The following ARHGAP12 variants were observed in gnomAD, a reference collection of about 807,000 sequenced individuals.
ARHGAP12 encodes rho GTPase-activating protein 12.
A neutral mutation model predicts 108.6 loss-of-function variants in ARHGAP12; 64 were observed. That is an observed-to-expected ratio of 0.59 (90% CI 0.48 to 0.73). The LOEUF (loss-of-function observed/expected upper bound fraction) is 0.73. ARHGAP12 is among the 30% of genes least tolerant of loss of function. ARHGAP12 has a pLI of 0.00. For missense variants in ARHGAP12, 940 were observed against 1,005.9 expected (o/e 0.93, Z 0.89); for synonymous variants, 312 against 337.2 (o/e 0.93, Z 0.82).
intron 3 of ARHGAP12, among the ~76,000 whole-genome samples, chr10:31,896,555 T>C (rs969688139): frequency 6.6e-6 from 1 of 152,054 alleles, no homozygotes; most frequent in African/African-American, 2.4e-5. Context: ...GATAGGGACC[T>C]GGGAAACTTG....
Position 31,882,090 on chromosome 10 carries a change from A to G in ARHGAP12, c.685-20432T>C, listed in dbSNP as rs575370456. Among the ~76,000 whole-genome samples, 79 of 151,872 alleles carry G rather than the reference A, an allele frequency of 5.2e-4. No homozygotes were observed. In the South Asian group the frequency reaches 0.016, roughly 30 times the overall value. ...CCACTACGCCCGGCTAATTTTTTGT[A>G]TTTTTAGTAGAGACGGGGTTTCACC... On this transcript the variant is annotated intron_variant, in intron 3 of 19. Coordinates refer to ENST00000344936, the MANE Select transcript of ARHGAP12 (RefSeq NM_018287.7).
chr10:31,826,176 T>C, intron 11 of ARHGAP12, 128 bp downstream of exon 11: 1 of 632,648 alleles, frequency 1.6e-6, no homozygotes, highest in Admixed American at 3.4e-5. Context: ...TTTAAGAAGA[T>C]TTTATTCATT....
chr10:31,925,611 G>A (rs141409074), intron 1 of ARHGAP12, among the ~76,000 whole-genome samples: 8 of 152,244 alleles, frequency 5.3e-5, no homozygotes, highest in Non-Finnish European at 7.4e-5. Context: ...ATCCCAGAGC[G>A]TTTTCAAACC....
chr10:31,835,925 T>C (rs1835998255), intron 9 of ARHGAP12, among the ~76,000 whole-genome samples: 2 of 152,062 alleles, frequency 1.3e-5, no homozygotes, highest in African/African-American at 2.4e-5. Context: ...ATAACAGAGG[T>C]GATAGCCACA....
At chr10:31,852,729 CTTTTTTT>C (rs398013156) in intron 5 of ARHGAP12, 132 bp from the exon 6 acceptor site, 654 of 229,558 alleles carry the variant, frequency 2.8e-3, no homozygotes, top group Middle Eastern at 4.7e-3. Context: ...ACAAAAAATT[CTTTTTTT>C]TTTTTTTTTT....
intron 3 of ARHGAP12, among the ~76,000 whole-genome samples, chr10:31,892,657 G>A (rs77742618): frequency 6.6e-6 from 1 of 152,154 alleles, no homozygotes; most frequent in Non-Finnish European, 1.5e-5. Context: ...AATAATGGGA[G>A]ACTTTAACAT....
rs377696070 is a variant in ARHGAP12, at chr10:31,920,310, C to T, written c.-111+8373G>A. Among the ~76,000 whole-genome samples, 151 of 150,176 alleles carry T rather than the reference C, an allele frequency of 1.0e-3. 2 individuals carry two copies. The Middle Eastern group carries it at 0.014, about 14-fold the overall frequency. On this transcript the variant is annotated intron_variant, in intron 1 of 19. Coordinates refer to ENST00000344936, the MANE Select transcript of ARHGAP12 (RefSeq NM_018287.7). ...ACTAAAAATACAGAAATTAGCCAGG[C>T]GTGGTGGTGGGTGCCTGTAATCCCA...
Position 31,807,499 on chromosome 10 carries a change from AAC to A in ARHGAP12, c.*157_*158del, listed in dbSNP as rs1834857886. ...AACAAAGCAGCAAATATGAGGGCCT[AAC>A]ACACATCTCGACTCTCCCCTTCCCT... On this transcript the variant is annotated 3_prime_UTR_variant, in exon 20 of 20. Coordinates refer to ENST00000344936, the MANE Select transcript of ARHGAP12 (RefSeq NM_018287.7). The A allele has an allele frequency of 1.8e-6, 1 of 569,238 alleles. No individual in the cohort carries two copies. The highest frequency in any genetic ancestry group is 2.9e-6 in the Non-Finnish European group (1 of 340,938). 35.3% of individuals were successfully genotyped at this position (569,238 alleles called of 1,614,324 possible). A position where few individuals can be genotyped will look rare whatever the true frequency, so the allele number is the denominator to read the frequency against.
At chr10:31,911,314 G>A (rs373019544) in intron 1 of ARHGAP12, among the ~76,000 whole-genome samples, 3 of 152,230 alleles carry the variant, frequency 2.0e-5, no homozygotes, top group African/African-American at 7.2e-5. Context: ...ATGAGCCACC[G>A]CACCTGGCTA....
At chr10:31,870,437 C>A (rs1837499139) in intron 3 of ARHGAP12, among the ~76,000 whole-genome samples, 1 of 152,074 alleles carries the variant, frequency 6.6e-6, no homozygotes, top group African/African-American at 2.4e-5. Context: ...TCCATGTTGG[C>A]CAGGCTGGTC....
rs1022718914 is a variant in ARHGAP12 at position 31,806,089 on chromosome 10, C to T, written c.*1569G>A. The T allele has an allele frequency of 1.3e-5, 2 of 152,092 alleles. No individual in the cohort carries two copies. Among genetic ancestry groups the T allele is most frequent in the African/African-American group, 4.8e-5 (2 of 41,402 alleles). 9.4% of individuals were successfully genotyped at this position (152,092 alleles called of 1,614,324 possible). ...AAAAAAAAATCCTGGTCACAAATCA[C>T]TCGCTTTCAAATATTGATGGAGAAA... On this transcript the variant is annotated 3_prime_UTR_variant, in exon 20 of 20. Coordinates refer to ENST00000344936, the MANE Select transcript of ARHGAP12 (RefSeq NM_018287.7).
intron 1 of ARHGAP12, among the ~76,000 whole-genome samples, chr10:31,926,264 A>C (rs1268872193): frequency 6.6e-6 from 1 of 152,192 alleles, no homozygotes; most frequent in Non-Finnish European, 1.5e-5. Flanking sequence ...CCATGAAGTC[A>C]ATGAAAGTAA....
chr10:31,848,721 C>T (rs535487065), intron 6 of ARHGAP12, among the ~76,000 whole-genome samples: 1 of 152,010 alleles, frequency 6.6e-6, no homozygotes, highest in Admixed American at 6.6e-5. Flanking sequence ...TAAATGAAAG[C>T]CTTCATTTAA....
chr10:31,871,109 A>G (rs1837527066), intron 3 of ARHGAP12, among the ~76,000 whole-genome samples: 1 of 152,208 alleles, frequency 6.6e-6, no homozygotes, highest in South Asian at 2.1e-4. Flanking sequence ...AGCATGCAGA[A>G]AAAGTTTCAC....
At position 31,908,945 on chromosome 10, in the gene ARHGAP12, G is replaced by A; in HGVS notation, c.-71-19C>T. 1.6e-6 allele frequency: 2 copies of A among 1,249,304 alleles called. No individual in the cohort carries two copies. The highest frequency in any genetic ancestry group is 1.5e-5 in the African/African-American group (1 of 66,722). The allele number at this position is 1,249,304 out of a possible 1,614,324, so 77.4% of individuals were successfully genotyped here. On this transcript the variant is annotated intron_variant, in intron 2 of 19. Coordinates refer to ENST00000344936, the MANE Select transcript of ARHGAP12 (RefSeq NM_018287.7). ...AATATAGCTGTTTTATTTAAATGGAGAAAGAGAATGAAGAAAAAAGTTAAT... is the reference window on the plus strand; with the variant it reads ...AATATAGCTGTTTTATTTAAATGGAAAAAGAGAATGAAGAAAAAAGTTAAT...
chr10:31,906,758 T>C (rs1839148464), intron 3 of ARHGAP12, among the ~76,000 whole-genome samples: 1 of 152,102 alleles, frequency 6.6e-6, no homozygotes, highest in South Asian at 2.1e-4. Context: ...AAGATGACTG[T>C]AATGAAAAAA....
At chr10:31,864,531 A>AG (rs1837250867) in intron 3 of ARHGAP12, among the ~76,000 whole-genome samples, 1 of 152,228 alleles carries the variant, frequency 6.6e-6, no homozygotes, top group Admixed American at 6.5e-5. Context: ...TACAATATTC[A>AG]GTACACTGCC....
intron 3 of ARHGAP12, among the ~76,000 whole-genome samples, chr10:31,868,194 T>C (rs1450837466): frequency 6.9e-6 from 1 of 145,938 alleles, no homozygotes; most frequent in Admixed American, 6.8e-5. Flanking sequence ...CAAGACTCCA[T>C]CTAAAAAAAA....
In ARHGAP12 at chr10:31,860,811, T is replaced by C. The variant is rs181173874; in HGVS notation, c.948+584A>G. ...AATGTCACTGGACAGCCAGGTGCAG[T>C]AGCTCACGCCTGTAATCCTAGCACT... On this transcript the variant is annotated intron_variant, in intron 4 of 19. Coordinates refer to ENST00000344936, the MANE Select transcript of ARHGAP12 (RefSeq NM_018287.7). Among the ~76,000 whole-genome samples the C allele has an allele frequency of 2.0e-5, 3 of 152,324 alleles. No homozygotes were observed. The East Asian group carries it at 5.8e-4, about 29-fold the overall frequency.
Sources: gnomAD v4.1 joint callset for allele counts (sites outside exome capture counted in the v4.1 genomes callset) on GRCh38, gnomAD v4.1.1 for gene constraint, MANE v1.5 for transcripts, NCBI Gene and HGNC (gene_info 2026-07-23, HGNC 2026-07-21) for gene names.